SETBP1: variants seen among roughly 807,000 people sequenced by gnomAD.
SETBP1 encodes SET binding protein 1.
A neutral mutation model predicts 101.0 loss-of-function variants in SETBP1; 9 were observed. That is an observed-to-expected ratio of 0.09 (90% CI 0.05 to 0.16). The LOEUF (loss-of-function observed/expected upper bound fraction) is 0.16, where lower values mean the gene tolerates loss of function less well. SETBP1 is among the 10% of genes least tolerant of loss of function. The pLI is 1.00. For synonymous variants in SETBP1, 818 were observed against 788.5 expected (o/e 1.04, Z -0.63); for missense variants, 1,858 against 2,033.8 (o/e 0.91, Z 1.66).
At chr18:45,044,412 C>T (rs2073568358) in intron 5 of SETBP1, among the ~76,000 whole-genome samples, 1 of 152,198 alleles carries the variant, frequency 6.6e-6, no homozygotes, top group Non-Finnish European at 1.5e-5. Flanking sequence ...ATGGCACGTG[C>T]ATGAAAGGCA....
intron 4 of SETBP1, among the ~76,000 whole-genome samples, chr18:45,013,877 T>C (rs1244628606): frequency 6.6e-6 from 1 of 152,232 alleles, no homozygotes. Context: ...CTTTCTGCTG[T>C]GTTTTTAAAT....
chr18:44,717,917 T>C (rs947970439), intron 2 of SETBP1, among the ~76,000 whole-genome samples: 17 of 150,958 alleles, frequency 1.1e-4, no homozygotes, highest in Non-Finnish European at 2.2e-4. Context: ...TATGCATCTG[T>C]GTGTGTGTGT....
intron 2 of SETBP1, among the ~76,000 whole-genome samples, chr18:44,843,738 C>T (rs184754981): frequency 9.2e-5 from 14 of 152,214 alleles, no homozygotes; most frequent in South Asian, 4.2e-4. Flanking sequence ...TTCCTGGGAG[C>T]GGGAAAGGTG....
intron 2 of SETBP1, among the ~76,000 whole-genome samples, chr18:44,783,674 A>G (rs771760700): frequency 3.9e-5 from 6 of 152,174 alleles, no homozygotes; most frequent in Non-Finnish European, 7.4e-5. Context: ...GTATATCAGC[A>G]TATTTGATTC....
At chr18:44,718,552 C>T (rs1394228796) in intron 2 of SETBP1, among the ~76,000 whole-genome samples, 1 of 152,212 alleles carries the variant, frequency 6.6e-6, no homozygotes, top group South Asian at 2.1e-4. Flanking sequence ...TTAAACTGCT[C>T]TCTTCCTTAG....
In SETBP1 at chr18:45,065,235, T is replaced by C. The variant is rs1490431298; in HGVS notation, c.*1537T>C. The stretch of plus-strand genomic sequence containing the variant: ...ATGAATATGAAGAATTCCATTTCCG[T>C]AGATGTTTTCTAAAAGTCAGATTGT... On this transcript the variant is annotated 3_prime_UTR_variant, in exon 6 of 6. Coordinates refer to ENST00000649279, the MANE Select transcript of SETBP1 (RefSeq NM_015559.3). 1 of 152,236 alleles carries C rather than the reference T, an allele frequency of 6.6e-6. No homozygotes were observed. Among genetic ancestry groups the C allele is most frequent in the African/African-American group, 2.4e-5 (1 of 41,474 alleles). 9.4% of individuals were successfully genotyped at this position (152,236 alleles called of 1,614,324 possible). A position where few individuals can be genotyped will look rare whatever the true frequency, so the allele number is the denominator to read the frequency against.
intron 2 of SETBP1, among the ~76,000 whole-genome samples, chr18:44,862,534 C>A (rs1239004610): frequency 6.6e-6 from 1 of 152,172 alleles, no homozygotes; most frequent in Non-Finnish European, 1.5e-5. Context: ...CACCCCAATG[C>A]CTTGGCCATT....
At chr18:44,822,506 C>T (rs1036431265) in intron 2 of SETBP1, among the ~76,000 whole-genome samples, 3 of 152,196 alleles carry the variant, frequency 2.0e-5, no homozygotes, top group Admixed American at 6.5e-5. Flanking sequence ...AATTCTTTAG[C>T]TGTTCATCCC....
chr18:45,028,601 G>A (rs2073222169), intron 4 of SETBP1, among the ~76,000 whole-genome samples: 1 of 152,120 alleles, frequency 6.6e-6, no homozygotes, highest in Non-Finnish European at 1.5e-5. Context: ...CTTCCACAAG[G>A]GCTGAACTAG....
intron 2 of SETBP1, among the ~76,000 whole-genome samples, chr18:44,801,130 G>C (rs532703352): frequency 6.6e-6 from 1 of 152,154 alleles, no homozygotes; most frequent in Non-Finnish European, 1.5e-5. Flanking sequence ...GGGGCCTGTC[G>C]TGGGGTAGGA....
At chr18:44,884,476 G>T (rs1489407581) in intron 3 of SETBP1, among the ~76,000 whole-genome samples, 1 of 152,160 alleles carries the variant, frequency 6.6e-6, no homozygotes, top group Non-Finnish European at 1.5e-5. Context: ...GGTGAGGAAA[G>T]TTGGTCCCAG....
chr18:45,038,405 C>A, intron 4 of SETBP1, 80 bp from the exon 5 acceptor site: 1 of 1,277,926 alleles, frequency 7.8e-7, no homozygotes, highest in Non-Finnish European at 1.1e-6. Flanking sequence ...ACCATTTCCT[C>A]AGATCATGTC....
chr18:44,967,690 T>G (rs1388409549), intron 4 of SETBP1, among the ~76,000 whole-genome samples: 2 of 152,200 alleles, frequency 1.3e-5, no homozygotes, highest in Non-Finnish European at 2.9e-5. Context: ...GGCCTTTTGC[T>G]GGCCTTTGCT....
intron 3 of SETBP1, among the ~76,000 whole-genome samples, chr18:44,901,510 G>T (rs1283107699): frequency 6.6e-6 from 1 of 152,180 alleles, no homozygotes; most frequent in Non-Finnish European, 1.5e-5. Context: ...CTGTGGCCAT[G>T]TGGGAGGCAT....
Position 45,064,685 on chromosome 18 carries a change from C to G in SETBP1, c.*987C>G, listed in dbSNP as rs184091282. ...GCAGAATAAAATGGTTTAAATACCC[C>G]ACAGCAAATAGAGTAACTGACAAAC... is the stretch of plus-strand genomic sequence containing the variant. On this transcript the variant is annotated 3_prime_UTR_variant, in exon 6 of 6. Coordinates refer to ENST00000649279, the MANE Select transcript of SETBP1 (RefSeq NM_015559.3). 6.6e-5 allele frequency: 10 copies of G among 151,728 alleles called. No individual in the cohort carries two copies. In the East Asian group the frequency reaches 1.7e-3, roughly 26 times the overall value. The allele number at this position is 151,728 out of a possible 1,614,324, so 9.4% of individuals were successfully genotyped here. A position where few individuals can be genotyped will look rare whatever the true frequency, so the allele number is the denominator to read the frequency against.
chr18:44,876,742 C>A, intron 3 of SETBP1: 1 of 1,533,702 alleles, frequency 6.5e-7, no homozygotes. Flanking sequence ...AGTCTGGGCA[C>A]AAGAAGTATA....
chr18:44,753,615 C>T (rs181281499), intron 2 of SETBP1, among the ~76,000 whole-genome samples: 1 of 152,334 alleles, frequency 6.6e-6, no homozygotes, highest in Admixed American at 6.5e-5. Context: ...GCCACCCTAT[C>T]CCATGCCTGC....
intron 3 of SETBP1, among the ~76,000 whole-genome samples, chr18:44,909,786 T>C (rs1396824248): frequency 1.3e-5 from 2 of 151,940 alleles, no homozygotes; most frequent in Non-Finnish European, 2.9e-5. Context: ...TAAAGGGGAG[T>C]ATGTCCAGGA....
rs1049541618 is a variant in SETBP1, at chr18:44,952,103, T to C, written c.2763T>C (p.His921=). Residue 921 remains histidine (H), a synonymous_variant, in exon 4 of 6, where the codon CAT becomes CAC. Coordinates refer to ENST00000649279, the MANE Select transcript of SETBP1 (RefSeq NM_015559.3). ...ACCGGCATGGCCACCGGCAAAAGCA[T>C]CTCATTGTGGACAACTTTCTGGCCC... The part of the protein sequence containing the change: ...TKNRHGHRQK[H]LIVDNFLAHE... The C allele has an allele frequency of 1.2e-6, 2 of 1,613,846 alleles. No individual in the cohort carries two copies. Among genetic ancestry groups the C allele is most frequent in the African/African-American group, 1.3e-5 (1 of 74,828 alleles).
Sources: gnomAD v4.1 joint callset for allele counts (sites outside exome capture counted in the v4.1 genomes callset) on GRCh38, gnomAD v4.1.1 for gene constraint, MANE v1.5 for transcripts, NCBI Gene and HGNC (gene_info 2026-07-23, HGNC 2026-07-21) for gene names.